The following AGBL4 variants were observed in gnomAD, a reference collection of about 807,000 sequenced individuals.
AGBL4 encodes the protein AGBL carboxypeptidase 4, also known as cytosolic carboxypeptidase 6.
A neutral mutation model predicts 66.4 loss-of-function variants in AGBL4; 58 were observed. That is an observed-to-expected ratio of 0.87 (90% CI 0.71 to 1.09). The LOEUF is 1.09. AGBL4 is among the 50% of genes least tolerant of loss of function. AGBL4 has a pLI of 0.00. For missense variants in AGBL4, 579 were observed against 631.0 expected, an observed-to-expected ratio of 0.92 and a Z score of 0.88; for synonymous variants, 234 against 222.9, an observed-to-expected ratio of 1.05 and a Z score of -0.44.
chr1:49,271,348 G>T (rs1181599413), intron 3 of AGBL4, among the ~76,000 whole-genome samples: 1 of 151,978 alleles, frequency 6.6e-6, no homozygotes, highest in East Asian at 1.9e-4. Context: ...TCTCTTTGGG[G>T]TGGTTCTAGA....
chr1:49,050,435 G>A (rs901601367), intron 4 of AGBL4, among the ~76,000 whole-genome samples: 8 of 151,918 alleles, frequency 5.3e-5, no homozygotes, highest in African/African-American at 1.2e-4. Flanking sequence ...CTAGTTCTCC[G>A]GGACCTATAC....
intron 3 of AGBL4, among the ~76,000 whole-genome samples, chr1:49,556,620 C>A (rs1270948299): frequency 1.3e-5 from 2 of 152,086 alleles, no homozygotes; most frequent in East Asian, 1.9e-4. Flanking sequence ...AAGTCACCAC[C>A]CGACTCAGGA....
chr1:49,845,588 A>C, intron 2 of AGBL4: 1 of 1,606,196 alleles, frequency 6.2e-7, no homozygotes. Context: ...TACGAGTGCC[A>C]TGAGTGTGGA....
intron 4 of AGBL4, among the ~76,000 whole-genome samples, chr1:49,140,161 A>T (rs1259657843): frequency 6.6e-6 from 1 of 152,184 alleles, no homozygotes; most frequent in East Asian, 1.9e-4. Context: ...TACTTTTTTG[A>T]CTGAGTGTTA....
intron 11 of AGBL4, among the ~76,000 whole-genome samples, chr1:48,568,531 A>G (rs1348750186): frequency 2.0e-5 from 3 of 152,216 alleles, no homozygotes; most frequent in Non-Finnish European, 2.9e-5. Flanking sequence ...ACACAGGCAC[A>G]TGGAAGGCCT....
chr1:49,406,732 A>AT (rs535331826), intron 3 of AGBL4, among the ~76,000 whole-genome samples: 32 of 151,802 alleles, frequency 2.1e-4, no homozygotes, highest in African/African-American at 7.5e-4. Flanking sequence ...TTAATCTGGC[A>AT]TTTTTTTTCT....
chr1:49,703,533 A>G (rs1255130491), intron 2 of AGBL4, among the ~76,000 whole-genome samples: 1 of 151,996 alleles, frequency 6.6e-6, no homozygotes, highest in Admixed American at 6.6e-5. Context: ...ATTAAAAAAA[A>G]AAAACACTTC....
chr1:49,312,122 C>A (rs1465653887), intron 3 of AGBL4, among the ~76,000 whole-genome samples: 3 of 152,096 alleles, frequency 2.0e-5, no homozygotes, highest in African/African-American at 7.2e-5. Flanking sequence ...AAAATTCTTA[C>A]AGAAACTTAA....
chr1:48,675,835 A>G (rs1359907567), intron 6 of AGBL4, among the ~76,000 whole-genome samples: 1 of 152,254 alleles, frequency 6.6e-6, no homozygotes, highest in Non-Finnish European at 1.5e-5. Flanking sequence ...TTTACATGTT[A>G]GATCAGAAAC....
At chr1:48,595,908 C>A (rs1644988062) in intron 9 of AGBL4, among the ~76,000 whole-genome samples, 1 of 152,206 alleles carries the variant, frequency 6.6e-6, no homozygotes, top group Non-Finnish European at 1.5e-5. Flanking sequence ...AAGGACCATC[C>A]AGGGCAATCC....
intron 2 of AGBL4, among the ~76,000 whole-genome samples, chr1:49,778,640 T>A (rs1173234261): frequency 1.3e-5 from 2 of 152,154 alleles, no homozygotes; most frequent in Non-Finnish European, 2.9e-5. Flanking sequence ...CCCTCCTGGA[T>A]AAGGGAAAGC....
At chr1:49,613,550 G>A (rs1278081913) in intron 3 of AGBL4, among the ~76,000 whole-genome samples, 3 of 152,132 alleles carry the variant, frequency 2.0e-5, no homozygotes, top group Non-Finnish European at 4.4e-5. Context: ...ATCAGTGGCA[G>A]CATTAGATTC....
intron 2 of AGBL4, among the ~76,000 whole-genome samples, chr1:49,713,045 C>T (rs1280264146): frequency 1.3e-5 from 2 of 151,844 alleles, no homozygotes; most frequent in African/African-American, 2.4e-5. Context: ...GTAAAAGTAA[C>T]GTATATTAAA....
chr1:49,015,609 A>C (rs1269741164), intron 5 of AGBL4, among the ~76,000 whole-genome samples: 1 of 151,518 alleles, frequency 6.6e-6, no homozygotes, highest in South Asian at 2.1e-4. Flanking sequence ...TATTTTTAGT[A>C]CAGACGGGGT....
At chr1:49,884,133 G>T (rs757938362) in intron 1 of AGBL4, among the ~76,000 whole-genome samples, 6 of 151,814 alleles carry the variant, frequency 4.0e-5, no homozygotes, top group Non-Finnish European at 8.8e-5. Flanking sequence ...CTTTTAAAAT[G>T]CCCCAAACTC....
intron 6 of AGBL4, among the ~76,000 whole-genome samples, chr1:48,780,174 C>T (rs1046102956): frequency 1.3e-5 from 2 of 148,192 alleles, no homozygotes; most frequent in African/African-American, 5.0e-5. Context: ...CTATCCCTCC[C>T]CTAGTCCCCC....
At chr1:49,572,592 T>A (rs1042348315) in intron 3 of AGBL4, among the ~76,000 whole-genome samples, 1 of 152,202 alleles carries the variant, frequency 6.6e-6, no homozygotes, top group African/African-American at 2.4e-5. Flanking sequence ...AGAGTGTATG[T>A]CCAGGAATTT....
intron 3 of AGBL4, among the ~76,000 whole-genome samples, chr1:49,663,495 G>T (rs1248183333): frequency 2.6e-5 from 4 of 152,092 alleles, no homozygotes; most frequent in African/African-American, 7.2e-5. Context: ...GAAAGCATTT[G>T]GGTCTCTGAA....
At chr1:49,792,019 C>A (rs1187850325) in intron 2 of AGBL4, among the ~76,000 whole-genome samples, 1 of 151,962 alleles carries the variant, frequency 6.6e-6, no homozygotes, top group East Asian at 1.9e-4. Flanking sequence ...AAAATTACCC[C>A]AGTAAATTTT....
Sources: gnomAD v4.1 joint callset for allele counts (sites outside exome capture counted in the v4.1 genomes callset) on GRCh38, gnomAD v4.1.1 for gene constraint, MANE v1.5 for transcripts, NCBI Gene and HGNC (gene_info 2026-07-23, HGNC 2026-07-21) for gene names.